Variants in EDIL3 observed in about 807,000 individuals in gnomAD.
The protein encoded by EDIL3 is EGF-like repeat and discoidin I-like domain-containing protein 3.
Under a neutral mutation model 67.4 loss-of-function variants are expected in EDIL3, and 37 were observed. The observed-to-expected ratio is 0.55, with a 90% CI of 0.42 to 0.72. The LOEUF (loss-of-function observed/expected upper bound fraction) is 0.72, where lower values mean the gene tolerates loss of function less well. Ranked by LOEUF, EDIL3 falls within the 30% of genes least tolerant of loss-of-function variation. The probability of loss-of-function intolerance (pLI) is 0.00; values close to 1 mark genes in which losing one functional copy is unlikely to be tolerated. For missense variants in EDIL3, 527 were observed against 586.3 expected (o/e 0.90, Z 1.04); for synonymous variants, 195 against 196.3 (o/e 0.99, Z 0.05).
chr5:84,302,615 T>C (rs556826271), intron 1 of EDIL3, among the ~76,000 whole-genome samples: 6 of 152,286 alleles, frequency 3.9e-5, no homozygotes, highest in African/African-American at 1.4e-4. Flanking sequence ...TTATTTTAAA[T>C]GGAACCCTTA....
At position 84,341,497 on chromosome 5, in the gene EDIL3, G is replaced by T. The variant is rs138354346; in HGVS notation, c.67+42811C>A. Reference sequence around the variant, plus strand: ...ATTCTTTTTCTGATTAACACAAAAAGACGTGTTCCTAATCTTTCTATAAGG... The same window carrying T: ...ATTCTTTTTCTGATTAACACAAAAATACGTGTTCCTAATCTTTCTATAAGG... On this transcript the variant is annotated intron_variant, in intron 1 of 10. Transcript: ENST00000296591. 8.9e-3 allele frequency among the ~76,000 whole-genome samples: 1,359 copies of T among 152,160 alleles called. 27 individuals carry two copies. Among genetic ancestry groups the T allele is most frequent in the African/African-American group, 0.031 (1,303 of 41,520 alleles).
At chr5:84,188,723 G>A (rs1743518571) in intron 3 of EDIL3, among the ~76,000 whole-genome samples, 1 of 151,998 alleles carries the variant, frequency 6.6e-6, no homozygotes, top group Non-Finnish European at 1.5e-5. Context: ...TAGGGCATTT[G>A]AACACACAAA....
intron 4 of EDIL3, among the ~76,000 whole-genome samples, chr5:84,145,834 A>T (rs960010057): frequency 7.0e-6 from 1 of 143,124 alleles, no homozygotes; most frequent in Non-Finnish European, 1.5e-5. Context: ...GGGCACATTT[A>T]TCTAGAAACC....
rs199982859 is a variant in EDIL3 at position 83,963,389 on chromosome 5, A to G, written c.1138-29T>C. The G allele has an allele frequency of 1.7e-5, 27 of 1,565,318 alleles. No homozygotes were observed. The Admixed American group carries it at 3.9e-4, about 23-fold the overall frequency. ...AAAAAAAAGAAAAATACAGGCTTTA[A>G]ATGCGACAACCAAGTTGTAAACTTC... On this transcript the variant is annotated intron_variant, in intron 9 of 10. Transcript: ENST00000296591.
intron 10 of EDIL3, among the ~76,000 whole-genome samples, chr5:83,953,918 G>A (rs1281490897): frequency 1.3e-5 from 2 of 151,904 alleles, no homozygotes; most frequent in Admixed American, 6.6e-5. Flanking sequence ...AAGGAACTAC[G>A]TAAAAATCAT....
intron 9 of EDIL3, among the ~76,000 whole-genome samples, chr5:84,038,690 A>G (rs1314152833): frequency 6.6e-6 from 1 of 152,242 alleles, no homozygotes; most frequent in African/African-American, 2.4e-5. Flanking sequence ...CTGATAGTTA[A>G]GTAGAGCTGC....
intron 4 of EDIL3, among the ~76,000 whole-genome samples, chr5:84,169,379 T>G (rs1748769069): frequency 6.6e-6 from 1 of 152,090 alleles, no homozygotes; most frequent in African/African-American, 2.4e-5. Context: ...GATAGTCCAA[T>G]CTTATTCAGA....
chr5:84,235,820 A>T (rs950835203), intron 2 of EDIL3, among the ~76,000 whole-genome samples: 1 of 152,012 alleles, frequency 6.6e-6, no homozygotes, highest in African/African-American at 2.4e-5. Flanking sequence ...ATATGTCATT[A>T]TATAAATCAG....
intron 9 of EDIL3, among the ~76,000 whole-genome samples, chr5:84,004,278 T>C (rs1214699599): frequency 2.0e-5 from 3 of 152,058 alleles, no homozygotes; most frequent in African/African-American, 7.2e-5. Flanking sequence ...CATAGAATAC[T>C]ATCAAAGATA....
intron 1 of EDIL3, among the ~76,000 whole-genome samples, chr5:84,358,292 T>C (rs548468495): frequency 4.3e-4 from 66 of 152,294 alleles, no homozygotes; most frequent in South Asian, 3.9e-3. Context: ...AACAGTTCTG[T>C]TCATGATTGT....
intron 9 of EDIL3, among the ~76,000 whole-genome samples, chr5:83,998,616 T>C (rs1286329532): frequency 2.0e-5 from 3 of 152,090 alleles, no homozygotes; most frequent in Admixed American, 6.5e-5. Flanking sequence ...CACTGTAAAA[T>C]AAAGCATCAG....
At chr5:84,049,922 G>A (rs143866651) in intron 9 of EDIL3, among the ~76,000 whole-genome samples, 2,174 of 152,092 alleles carry the variant, frequency 0.014, 48 homozygotes, top group African/African-American at 0.049. Context: ...TCACACGGCC[G>A]GGCGCGGTGG....
chr5:84,264,298 A>T (rs1233553924), intron 1 of EDIL3, among the ~76,000 whole-genome samples: 1 of 152,204 alleles, frequency 6.6e-6, no homozygotes, highest in African/African-American at 2.4e-5. Context: ...TTTTCTGTGT[A>T]GTAGGCTGCT....
At chr5:84,228,206 C>T (rs1270033671) in intron 3 of EDIL3, among the ~76,000 whole-genome samples, 1 of 151,936 alleles carries the variant, frequency 6.6e-6, no homozygotes, top group Non-Finnish European at 1.5e-5. Flanking sequence ...AAAAAGTTAA[C>T]AGGGGTTGCT....
At chr5:84,065,844 G>A (rs35149576) in intron 7 of EDIL3, among the ~76,000 whole-genome samples, 33,407 of 151,740 alleles carry the variant, frequency 0.22, 3,737 homozygotes, top group Admixed American at 0.26. Context: ...AGCCGGGCGC[G>A]GTGGCTCACG....
chr5:84,190,053 C>A (rs1050164576), intron 3 of EDIL3, among the ~76,000 whole-genome samples: 2 of 151,790 alleles, frequency 1.3e-5, no homozygotes, highest in African/African-American at 2.4e-5. Context: ...AAATCTTTGG[C>A]CAGTGGGATA....
At chr5:84,190,803 A>T (rs1743570864) in intron 3 of EDIL3, among the ~76,000 whole-genome samples, 1 of 151,802 alleles carries the variant, frequency 6.6e-6, no homozygotes, top group South Asian at 2.1e-4. Flanking sequence ...TCATCCTCTA[A>T]TTATTCCATA....
chr5:84,322,854 A>G (rs975318417), intron 1 of EDIL3, among the ~76,000 whole-genome samples: 1 of 152,070 alleles, frequency 6.6e-6, no homozygotes, highest in African/African-American at 2.4e-5. Flanking sequence ...ATTCTCAATA[A>G]GATTGTCAGC....
At chr5:84,021,495 A>G (rs1745712391) in intron 9 of EDIL3, among the ~76,000 whole-genome samples, 1 of 151,808 alleles carries the variant, frequency 6.6e-6, no homozygotes, top group East Asian at 1.9e-4. Context: ...TTTAGTTTCC[A>G]TGTATATATA....
Sources: gnomAD v4.1 joint callset for allele counts (sites outside exome capture counted in the v4.1 genomes callset) on GRCh38, gnomAD v4.1.1 for gene constraint, MANE v1.5 for transcripts, NCBI Gene and HGNC (gene_info 2026-07-23, HGNC 2026-07-21) for gene names.